PLEKHA8: variants seen among roughly 807,000 people sequenced by gnomAD.
The protein encoded by PLEKHA8 is pleckstrin homology domain containing A8.
A neutral mutation model predicts 68.2 loss-of-function variants in PLEKHA8; 36 were observed. The observed-to-expected ratio is 0.53, with a 90% confidence interval of 0.40 to 0.70. The LOEUF is 0.70. PLEKHA8 is among the 30% of genes least tolerant of loss of function. PLEKHA8 has a pLI of 0.00. For synonymous variants in PLEKHA8, 211 were observed against 216.1 expected (o/e 0.98, Z 0.20); for missense variants, 505 against 615.4 (o/e 0.82, Z 1.90).
chr7:30,042,894 T>C (rs538314169), intron 1 of PLEKHA8, among the ~76,000 whole-genome samples: 114 of 152,338 alleles, frequency 7.5e-4, no homozygotes, highest in African/African-American at 2.5e-3. Context: ...CCCAACAAGA[T>C]ACAGTCTGAG....
chr7:30,114,248 A>G lies in PLEKHA8; in HGVS notation c.1363-15018A>G, dbSNP rs560212622. Among the ~76,000 whole-genome samples, 18 of 152,342 alleles carry G rather than the reference A, an allele frequency of 1.2e-4. No individual in the cohort carries two copies. The South Asian group carries it at 3.3e-3, about 28-fold the overall frequency. ...AGCTAAAACTTACTCTGTGCCAAGC[A>G]TATGTGTACTCTTCTAATCACTTTA... On this transcript the variant is annotated intron_variant, in intron 13 of 13. Transcript: ENST00000396257.
downstream of PLEKHA8, among the ~76,000 whole-genome samples, chr7:30,087,663 T>C (rs545752838): frequency 6.6e-6 from 1 of 152,332 alleles, no homozygotes; most frequent in East Asian, 1.9e-4. Context: ...GATTCTCTGC[T>C]CTTCAACCTG....
intron 13 of PLEKHA8, among the ~76,000 whole-genome samples, chr7:30,096,459 G>T (rs1018383585): frequency 6.6e-6 from 1 of 152,166 alleles, no homozygotes; most frequent in Non-Finnish European, 1.5e-5. Context: ...ATACAATCAT[G>T]TCATCTGCAA....
chr7:30,110,724 G>A (rs1370848230), intron 13 of PLEKHA8, among the ~76,000 whole-genome samples: 2 of 152,086 alleles, frequency 1.3e-5, no homozygotes, highest in Non-Finnish European at 1.5e-5. Context: ...TTTTAATATA[G>A]CCATCCTAGT....
intron 1 of PLEKHA8, among the ~76,000 whole-genome samples, chr7:30,040,420 A>G (rs907574342): frequency 6.6e-6 from 1 of 152,248 alleles, no homozygotes; most frequent in African/African-American, 2.4e-5. Context: ...AAGACCAAAG[A>G]AAAAAGAAAC....
intron 13 of PLEKHA8, among the ~76,000 whole-genome samples, chr7:30,117,629 AG>A (rs1209396092): frequency 6.6e-6 from 1 of 152,080 alleles, no homozygotes; most frequent in African/African-American, 2.4e-5. Flanking sequence ...ACTTGAGCCC[AG>A]GAGTTCAAGG....
At chr7:30,073,582 A>C (rs1794407690) in intron 12 of PLEKHA8, among the ~76,000 whole-genome samples, 1 of 151,682 alleles carries the variant, frequency 6.6e-6, no homozygotes, top group African/African-American at 2.4e-5. Flanking sequence ...AAAAAAAAAA[A>C]AAAAAAATTC....
chr7:30,031,400 G>A (rs1011299689), intron 1 of PLEKHA8, among the ~76,000 whole-genome samples: 4 of 152,222 alleles, frequency 2.6e-5, no homozygotes, highest in Admixed American at 1.3e-4. Context: ...GGCCAAGGCA[G>A]AGGTGTAGTT....
intron 9 of PLEKHA8, among the ~76,000 whole-genome samples, chr7:30,056,308 CTCTCTATA>C (rs1458868995): frequency 6.0e-5 from 5 of 83,220 alleles, no homozygotes; most frequent in African/African-American, 2.1e-4. Flanking sequence ...CTCTCTCTCT[CTCTCTATA>C]TATATATATA....
At chr7:30,056,312 C>CTCTCTATATATATATA (rs796845171) in intron 9 of PLEKHA8, among the ~76,000 whole-genome samples, 103 of 94,528 alleles carry the variant, frequency 1.1e-3, no homozygotes, top group Non-Finnish European at 1.9e-3. Context: ...CTCTCTCTCT[C>CTCTCTATATATATATA]TATATATATA....
chr7:30,062,076 T>C (rs1056627103), intron 11 of PLEKHA8, 49 bp downstream of exon 11: 5 of 1,563,832 alleles, frequency 3.2e-6, no homozygotes, highest in Non-Finnish European at 4.3e-6. Context: ...TCAAAAAAAA[T>C]TACCAGCAAA....
At chr7:30,120,297 T>C (rs990902539) in intron 13 of PLEKHA8, among the ~76,000 whole-genome samples, 2 of 152,188 alleles carry the variant, frequency 1.3e-5, no homozygotes, top group African/African-American at 4.8e-5. Context: ...GAATCAGGGC[T>C]GCTACATGGT....
chr7:30,034,723 G>A (rs568466905), intron 1 of PLEKHA8, among the ~76,000 whole-genome samples: 8 of 152,298 alleles, frequency 5.3e-5, no homozygotes, highest in African/African-American at 1.9e-4. Flanking sequence ...AGCAGAAGTG[G>A]AAGAAAATCC....
At chr7:30,127,156 G>A (rs1796785906) in intron 13 of PLEKHA8, among the ~76,000 whole-genome samples, 1 of 152,160 alleles carries the variant, frequency 6.6e-6, no homozygotes, top group Non-Finnish European at 1.5e-5. Context: ...TCCTTTTTGA[G>A]AATGATGCTT....
chr7:30,115,899 CATGT>C (rs1562558290), intron 13 of PLEKHA8: 19 of 139,932 alleles, frequency 1.4e-4, no homozygotes, highest in African/African-American at 4.9e-4. Context: ...CGTATACATG[CATGT>C]ATACATGCAT....
At chr7:30,055,210 A>T (rs374760076) in intron 8 of PLEKHA8, 47 bp from the exon 9 acceptor site, 5 of 1,529,360 alleles carry the variant, frequency 3.3e-6, no homozygotes, top group East Asian at 2.3e-5. Context: ...CAGAGTGCTG[A>T]TACTGTATTT....
At chr7:30,095,737 A>C (rs1248857070), downstream of PLEKHA8, among the ~76,000 whole-genome samples, 3 of 152,218 alleles carry the variant, frequency 2.0e-5, no homozygotes, top group Admixed American at 6.5e-5. Context: ...TCAGCTTTCT[A>C]CATATGGCTA....
chr7:30,093,772 G>T (rs980738608), downstream of PLEKHA8, among the ~76,000 whole-genome samples: 4 of 152,198 alleles, frequency 2.6e-5, no homozygotes, highest in African/African-American at 9.6e-5. Flanking sequence ...CCTGCCGCAT[G>T]CATGGGTACT....
At chr7:30,102,851 C>T (rs892254837) in intron 13 of PLEKHA8, among the ~76,000 whole-genome samples, 1 of 152,226 alleles carries the variant, frequency 6.6e-6, no homozygotes, top group African/African-American at 2.4e-5. Context: ...CCCGGAGTTC[C>T]AGACCAGTCA....
Sources: allele counts gnomAD v4.1 joint callset (sites outside exome capture counted in the v4.1 genomes callset), GRCh38; gene constraint gnomAD v4.1.1; transcripts MANE v1.5; gene names NCBI Gene and HGNC (gene_info 2026-07-23, HGNC 2026-07-21).